Variants in IL1RAPL2 observed in about 807,000 individuals in gnomAD.
The protein encoded by IL1RAPL2 is X-linked interleukin-1 receptor accessory protein-like 2.
IL1RAPL2 carries 3 observed loss-of-function variants against 44.1 expected under a neutral mutation model. The ratio of observed to expected loss-of-function variants is 0.07; its 90% CI spans 0.03 to 0.18. The LOEUF (loss-of-function observed/expected upper bound fraction) is 0.18, where lower values mean the gene tolerates loss of function less well. IL1RAPL2 is among the 10% of genes least tolerant of loss of function. IL1RAPL2 has a pLI of 1.00. For synonymous variants in IL1RAPL2, 181 were observed against 178.8 expected, an observed-to-expected ratio of 1.01 and a Z score of -0.10; for missense variants, 391 against 496.4, an observed-to-expected ratio of 0.79 and a Z score of 2.02.
At chrX:104,667,005 A>G (rs1018382782) in intron 2 of IL1RAPL2, among the ~76,000 whole-genome samples, 2 of 111,301 alleles carry the variant, frequency 1.8e-5, no homozygotes, top group Non-Finnish European at 3.8e-5. Context: ...CACCAGGACT[A>G]TTTTCTAAAA....
chrX:105,561,940 G>A (rs1045824265), intron 6 of IL1RAPL2, among the ~76,000 whole-genome samples: 3 of 111,875 alleles, frequency 2.7e-5, no homozygotes, highest in Non-Finnish European at 3.8e-5. Context: ...CTCAGGATTA[G>A]AGTAGAAAAC....
chrX:104,936,247 A>G (rs1465830015), intron 2 of IL1RAPL2, among the ~76,000 whole-genome samples: 4 of 111,967 alleles, frequency 3.6e-5, no homozygotes, highest in African/African-American at 9.7e-5. Context: ...GTATTTTTCA[A>G]ACTGTGGATT....
chrX:105,505,523 T>C (rs1042679550), intron 6 of IL1RAPL2, among the ~76,000 whole-genome samples: 7 of 110,911 alleles, frequency 6.3e-5, no homozygotes, highest in African/African-American at 2.3e-4. Context: ...TAAGAAAAAA[T>C]GTGCCTCAAT....
intron 2 of IL1RAPL2, among the ~76,000 whole-genome samples, chrX:104,726,016 A>G (rs1365471319): frequency 1.8e-5 from 2 of 111,560 alleles, no homozygotes; most frequent in Non-Finnish European, 3.8e-5. Context: ...CTATGGTTTT[A>G]GGTCTTAGGT....
intron 5 of IL1RAPL2, among the ~76,000 whole-genome samples, chrX:105,425,290 C>T (rs1477817828): frequency 1.8e-5 from 2 of 110,356 alleles, no homozygotes; most frequent in African/African-American, 6.6e-5. Context: ...AATTAAGGAC[C>T]TGGCCAACTT....
chrX:105,624,339 A>G (rs1284112321), intron 6 of IL1RAPL2, among the ~76,000 whole-genome samples: 1 of 111,208 alleles, frequency 9.0e-6, no homozygotes, highest in Non-Finnish European at 1.9e-5. Context: ...TCAAAAGCAT[A>G]CAGCAAGGAG....
intron 2 of IL1RAPL2, among the ~76,000 whole-genome samples, chrX:105,137,833 A>G (rs931268616): frequency 1.8e-5 from 2 of 112,214 alleles, no homozygotes; most frequent in East Asian, 2.8e-4. Flanking sequence ...TGGGAGGCCA[A>G]CATGGGAGGA....
chrX:105,572,084 G>A (rs1224369715), intron 6 of IL1RAPL2, among the ~76,000 whole-genome samples: 3 of 111,566 alleles, frequency 2.7e-5, no homozygotes, highest in Admixed American at 1.9e-4. Context: ...ATTCTTCAGA[G>A]TAAAGACACT....
chrX:104,697,356 T>C (rs936633774), intron 2 of IL1RAPL2, among the ~76,000 whole-genome samples: 11 of 112,779 alleles, frequency 9.8e-5, no homozygotes, highest in Admixed American at 2.8e-4. Flanking sequence ...CTCCTTCAGT[T>C]CTGTTTCACA....
At chrX:105,596,686 A>G (rs182386322) in intron 6 of IL1RAPL2, among the ~76,000 whole-genome samples, 2 of 111,951 alleles carry the variant, frequency 1.8e-5, no homozygotes, top group Non-Finnish European at 3.8e-5. Context: ...TGGCATAACT[A>G]CATAACTAAT....
chrX:104,849,619 A>G (rs1183604665), intron 2 of IL1RAPL2, among the ~76,000 whole-genome samples: 1 of 109,837 alleles, frequency 9.1e-6, no homozygotes, highest in East Asian at 2.9e-4. Context: ...TTTACAAACA[A>G]AGATTATTAT....
intron 1 of IL1RAPL2, among the ~76,000 whole-genome samples, chrX:104,621,848 T>C (rs2148008630): frequency 8.9e-6 from 1 of 111,889 alleles, no homozygotes; most frequent in South Asian, 3.7e-4. Flanking sequence ...TCATATGCTG[T>C]CAATGGATGG....
At chrX:105,029,344 G>T (rs1212819526) in intron 2 of IL1RAPL2, among the ~76,000 whole-genome samples, 2 of 104,090 alleles carry the variant, frequency 1.9e-5, no homozygotes, top group South Asian at 9.3e-4. Context: ...TTGGTGTGCT[G>T]CACCCATTAA....
chrX:104,873,242 C>A (rs1231166684), intron 2 of IL1RAPL2, among the ~76,000 whole-genome samples: 1 of 110,677 alleles, frequency 9.0e-6, no homozygotes, highest in Non-Finnish European at 1.9e-5. Flanking sequence ...ATTATTAATA[C>A]AATGGCATTT....
At position 105,748,919 on chromosome X, in the gene IL1RAPL2, C is replaced by A. The variant is rs2038572829; in HGVS notation, c.1049-41C>A. 2.6e-6 allele frequency: 3 copies of A among 1,166,631 alleles called. No individual in the cohort carries two copies. The Admixed American group carries it at 6.7e-5, about 26-fold the overall frequency. On this transcript the variant is annotated intron_variant, in intron 8 of 10. Coordinates refer to ENST00000372582, the MANE Select transcript of IL1RAPL2 (RefSeq NM_017416.2). ...AAATATGGGAAGATCCCAAGTGTTG[C>A]TGATTTAATTACCTTTTCCTGTTTA...
At chrX:104,603,412 A>G (rs1345830189) in intron 1 of IL1RAPL2, among the ~76,000 whole-genome samples, 2 of 111,467 alleles carry the variant, frequency 1.8e-5, no homozygotes, top group Non-Finnish European at 3.8e-5. Context: ...AAGGATCACA[A>G]CTCCTCACCA....
At chrX:105,371,427 G>A (rs2035339765) in intron 5 of IL1RAPL2, among the ~76,000 whole-genome samples, 1 of 111,036 alleles carries the variant, frequency 9.0e-6, no homozygotes, top group African/African-American at 3.3e-5. Context: ...AAAGGAATGG[G>A]TCCAGTTTCA....
At chrX:105,406,426 C>T in intron 5 of IL1RAPL2, 1 of 1,124,238 alleles carries the variant, frequency 8.9e-7, no homozygotes. Flanking sequence ...TGATCTAACA[C>T]CTGGAAGTGG....
At chrX:105,122,364 T>G (rs906414155) in intron 2 of IL1RAPL2, among the ~76,000 whole-genome samples, 2 of 111,624 alleles carry the variant, frequency 1.8e-5, no homozygotes, top group African/African-American at 3.2e-5. Context: ...AAGAAAGAAA[T>G]AAATTATACT....
Sources: gnomAD v4.1 joint callset for allele counts (sites outside exome capture counted in the v4.1 genomes callset) on GRCh38, gnomAD v4.1.1 for gene constraint, MANE v1.5 for transcripts, NCBI Gene and HGNC (gene_info 2026-07-23, HGNC 2026-07-21) for gene names.